Variants in SLC9B1 observed in about 807,000 individuals in gnomAD.
SLC9B1 encodes the protein sodium/hydrogen exchanger 9B1.
In SLC9B1, 32 loss-of-function variants were observed where a neutral mutation model predicts 51.7. The observed-to-expected ratio is 0.62, with a 90% CI of 0.47 to 0.83. The LOEUF (loss-of-function observed/expected upper bound fraction) is 0.83. SLC9B1 is among the 40% of genes least tolerant of loss of function. SLC9B1 has a pLI of 0.00. For missense variants in SLC9B1, 406 were observed against 613.2 expected (o/e 0.66, Z 3.57); for synonymous variants, 145 against 212.7 (o/e 0.68, Z 2.77).
intron 3 of SLC9B1, among the ~76,000 whole-genome samples, chr4:102,973,901 A>G (rs1738890618): frequency 1.3e-5 from 2 of 152,186 alleles, no homozygotes; most frequent in Non-Finnish European, 2.9e-5. Context: ...ATTGAAAAAT[A>G]GGGTGAAAAT....
At chr4:102,895,118 T>C (rs955460087) in intron 11 of SLC9B1, among the ~76,000 whole-genome samples, 4 of 152,092 alleles carry the variant, frequency 2.6e-5, no homozygotes, top group African/African-American at 9.7e-5. Context: ...TCAGCAGATA[T>C]CAGCACCTAC....
At chr4:102,993,560 G>C (rs1740061262) in intron 1 of SLC9B1, among the ~76,000 whole-genome samples, 2 of 152,190 alleles carry the variant, frequency 1.3e-5, no homozygotes, top group East Asian at 3.9e-4. Context: ...GCTGCTGGTG[G>C]ATCTACCATT....
At chr4:102,989,527 C>A (rs1739834066) in intron 3 of SLC9B1, among the ~76,000 whole-genome samples, 2 of 151,808 alleles carry the variant, frequency 1.3e-5, no homozygotes, top group Admixed American at 1.3e-4. Context: ...TAAATAAAAT[C>A]CTTTAATCAA....
intron 3 of SLC9B1, among the ~76,000 whole-genome samples, chr4:102,959,239 C>T (rs35203123): frequency 0.13 from 19,508 of 148,898 alleles, 1,365 homozygotes; most frequent in Middle Eastern, 0.26. Flanking sequence ...TATATATACA[C>T]ACACACACAC....
At chr4:102,933,959 C>T (rs1259461388) in intron 6 of SLC9B1, among the ~76,000 whole-genome samples, 3 of 152,310 alleles carry the variant, frequency 2.0e-5, no homozygotes, top group African/African-American at 4.8e-5. Flanking sequence ...TTAGTAGATA[C>T]GGTGTTTCAC....
intron 1 of SLC9B1, among the ~76,000 whole-genome samples, chr4:103,012,313 C>G (rs1026303281): frequency 1.1e-4 from 16 of 152,190 alleles, no homozygotes; most frequent in African/African-American, 3.9e-4. Flanking sequence ...GACCTTTCCT[C>G]CAGTTTCTAG....
intron 3 of SLC9B1, among the ~76,000 whole-genome samples, chr4:102,979,221 T>C (rs1578397471): frequency 6.6e-6 from 1 of 152,338 alleles, no homozygotes; most frequent in East Asian, 1.9e-4. Flanking sequence ...ATTGGAATAG[T>C]AAGTAGTTAA....
intron 1 of SLC9B1, among the ~76,000 whole-genome samples, chr4:103,003,524 T>C (rs998380058): frequency 6.6e-6 from 1 of 152,216 alleles, no homozygotes. Flanking sequence ...TGTTGCACAT[T>C]TGTAGAAACA....
chr4:102,977,161 A>G (rs115879220), intron 3 of SLC9B1, among the ~76,000 whole-genome samples: 1,556 of 152,180 alleles, frequency 0.01, 32 homozygotes, highest in African/African-American at 0.035. Context: ...AAAAAAAGAA[A>G]AAAAAAGAGA....
intron 3 of SLC9B1, among the ~76,000 whole-genome samples, chr4:102,969,095 C>T (rs917146726): frequency 6.6e-6 from 1 of 152,210 alleles, no homozygotes; most frequent in African/African-American, 2.4e-5. Context: ...TAGACGCCAC[C>T]TCTGGGGGCA....
At position 102,959,235 on chromosome 4, in the gene SLC9B1, T is replaced by TATATATAC. The variant is rs1005783670; in HGVS notation, c.212-9809_212-9808insGTATATAT. On this transcript the variant is annotated intron_variant, in intron 3 of 11. Coordinates refer to ENST00000296422, the MANE Select transcript of SLC9B1 (RefSeq NM_139173.4). ...AGATTAGGAGACATACATATATATA[T>TATATATAC]ACACACACACACACACACACACATA... 6.4e-3 allele frequency among the ~76,000 whole-genome samples: 962 copies of TATATATAC among 149,450 alleles called. 5 individuals are homozygous for TATATATAC. The highest frequency in any genetic ancestry group is 0.021 in the African/African-American group (853 of 40,614).
At chr4:103,012,531 C>T (rs1037908829) in intron 1 of SLC9B1, among the ~76,000 whole-genome samples, 2 of 152,200 alleles carry the variant, frequency 1.3e-5, no homozygotes, top group African/African-American at 4.8e-5. Flanking sequence ...AGGCACTTCA[C>T]AACTGTTCTA....
intron 4 of SLC9B1, 151 bp from the exon 5 acceptor site, chr4:102,946,940 A>G: frequency 1.6e-6 from 1 of 610,466 alleles, no homozygotes; most frequent in South Asian, 2.3e-5. Flanking sequence ...TGAATAAAGG[A>G]ATGGCGATAA....
chr4:102,886,863 C>T (rs370593421), intron 11 of SLC9B1, among the ~76,000 whole-genome samples: 2 of 152,180 alleles, frequency 1.3e-5, no homozygotes, highest in African/African-American at 4.8e-5. Flanking sequence ...GATTTGTCTA[C>T]CTCTGCCTCT....
chr4:102,886,862 A>C (rs992928412), intron 11 of SLC9B1, among the ~76,000 whole-genome samples: 5 of 152,314 alleles, frequency 3.3e-5, no homozygotes, highest in Admixed American at 2.0e-4. Context: ...TGATTTGTCT[A>C]CCTCTGCCTC....
In SLC9B1 at chr4:102,971,705, T is replaced by C. The variant is rs1331986525; in HGVS notation, c.211+18095A>G. Reference sequence around the variant, plus strand: ...AAAAATCAATGCATCCAGGAGCTGTTTTTTTGAAAAGATCAACAAAATTGA... The same window carrying C: ...AAAAATCAATGCATCCAGGAGCTGTCTTTTTGAAAAGATCAACAAAATTGA... On this transcript the variant is annotated intron_variant, in intron 3 of 11. Transcript: ENST00000296422. Among the ~76,000 whole-genome samples the C allele has an allele frequency of 4.6e-5, 7 of 152,148 alleles. No individual in the cohort carries two copies. The East Asian group carries it at 1.3e-3, about 29-fold the overall frequency.
chr4:102,993,748 T>C (rs1193983215), intron 1 of SLC9B1, among the ~76,000 whole-genome samples: 1 of 152,210 alleles, frequency 6.6e-6, no homozygotes, highest in Non-Finnish European at 1.5e-5. Flanking sequence ...CATTTCTATA[T>C]ACCCTCTGAA....
intron 3 of SLC9B1, among the ~76,000 whole-genome samples, chr4:102,979,554 G>C (rs1044186580): frequency 1.6e-4 from 24 of 152,070 alleles, no homozygotes; most frequent in Admixed American, 3.9e-4. Flanking sequence ...GAGGAGACAC[G>C]ATCTATGGAG....
intron 3 of SLC9B1, among the ~76,000 whole-genome samples, chr4:102,951,654 T>C (rs1001495788): frequency 6.7e-6 from 1 of 149,492 alleles, no homozygotes; most frequent in Non-Finnish European, 1.5e-5. Flanking sequence ...CACAGCAAAG[T>C]AGTAGATATG....
Sources: allele counts gnomAD v4.1 joint callset (sites outside exome capture counted in the v4.1 genomes callset), GRCh38; gene constraint gnomAD v4.1.1; transcripts MANE v1.5; gene names NCBI Gene and HGNC (gene_info 2026-07-23, HGNC 2026-07-21).